NASP: variants seen among roughly 807,000 people sequenced by gnomAD.
NASP encodes the protein nuclear autoantigenic sperm protein.
Under a neutral mutation model 89.5 loss-of-function variants are expected in NASP, and 24 were observed. The observed-to-expected ratio is 0.27, with a 90% CI of 0.19 to 0.38. The LOEUF (loss-of-function observed/expected upper bound fraction) is 0.38, where lower values mean the gene tolerates loss of function less well. Among genes scored for constraint, NASP ranks in the 10% least tolerant of loss-of-function variants. The pLI, the probability that NASP is intolerant of heterozygous loss-of-function variation, is 1.00. For synonymous variants in NASP, 306 were observed against 324.7 expected (o/e 0.94, Z 0.62); for missense variants, 848 against 921.4 (o/e 0.92, Z 1.03).
chr1:45,590,866 A>G (rs148818026), intron 1 of NASP, among the ~76,000 whole-genome samples: 1,659 of 152,260 alleles, frequency 0.011, 23 homozygotes, highest in African/African-American at 0.035. Context: ...TAATAAAACT[A>G]TTCGATATAC....
intron 1 of NASP, among the ~76,000 whole-genome samples, chr1:45,587,687 T>TATATATATA: frequency 1.3e-5 from 1 of 78,198 alleles, no homozygotes; most frequent in South Asian, 5.4e-4. Context: ...TATATATATA[T>TATATATATA]AATTAATTTT....
At chr1:45,609,499 A>AAAAC (rs3841731) in intron 6 of NASP, 108,293 of 151,000 alleles carry the variant, frequency 0.72, 38,922 homozygotes, top group African/African-American at 0.75. Flanking sequence ...AATTCCTCAA[A>AAAAC]AAACAAACAA....
chr1:45,586,609 C>T (rs1007222298), intron 1 of NASP, among the ~76,000 whole-genome samples: 1 of 152,054 alleles, frequency 6.6e-6, no homozygotes, highest in African/African-American at 2.4e-5. Context: ...TTTTCATTTT[C>T]ATTCTTCGTT....
chr1:45,599,953 ATTTTTTTTTTTTT>A (rs11302173), intron 2 of NASP, among the ~76,000 whole-genome samples: 5 of 79,074 alleles, frequency 6.3e-5, no homozygotes, highest in Non-Finnish European at 1.2e-4. Context: ...TTTCCTCTGT[ATTTTTTTTTTTTT>A]TTTTTTTTTG....
At position 45,598,163 on chromosome 1, in the gene NASP, C is replaced by T. The variant is rs117548880; in HGVS notation, c.108-4092C>T. 1.2e-3 allele frequency among the ~76,000 whole-genome samples: 167 copies of T among 140,174 alleles called. 3 individuals carry two copies. In the East Asian group the frequency reaches 0.028, roughly 23 times the overall value. The allele number at this position is 140,174 out of a possible 152,430, so 92.0% of individuals were successfully genotyped here. On this transcript the variant is annotated intron_variant, in intron 2 of 14. Transcript: ENST00000350030. ...CAGTAACATTTGACCCAATCCATTA[C>T]TCCTGTTACTTTTTTTTTTTTTTTT...
At chr1:45,607,237 A>T in intron 5 of NASP, 84 bp from the exon 6 acceptor site, 1 of 1,399,096 alleles carries the variant, frequency 7.1e-7, no homozygotes, top group Admixed American at 2.1e-5. Flanking sequence ...GAGGGTTTAA[A>T]GGGAATGTAT....
chr1:45,590,540 ACT>A (rs1419469311), intron 1 of NASP, among the ~76,000 whole-genome samples: 4 of 141,296 alleles, frequency 2.8e-5, no homozygotes, highest in African/African-American at 5.3e-5. Context: ...ACAGAGCAAG[ACT>A]CTGTCTCAAA....
intron 1 of NASP, among the ~76,000 whole-genome samples, chr1:45,589,108 A>C (rs956197063): frequency 1.3e-5 from 2 of 152,180 alleles, no homozygotes; most frequent in African/African-American, 4.8e-5. Context: ...AGAATCTGTC[A>C]ATATCCTATG....
chr1:45,601,817 G>T (rs979872616), intron 2 of NASP, among the ~76,000 whole-genome samples: 1 of 133,852 alleles, frequency 7.5e-6, no homozygotes, highest in African/African-American at 2.7e-5. Flanking sequence ...GTGCAGTGGC[G>T]CATCTCAGCT....
intron 2 of NASP, among the ~76,000 whole-genome samples, chr1:45,593,029 G>A (rs1643591172): frequency 6.6e-6 from 1 of 152,120 alleles, no homozygotes; most frequent in African/African-American, 2.4e-5. Flanking sequence ...TGGATAAAAA[G>A]ACATCATTCT....
At chr1:45,612,455 G>A (rs929897741) in intron 6 of NASP, 4 of 152,160 alleles carry the variant, frequency 2.6e-5, no homozygotes, top group African/African-American at 4.8e-5. Flanking sequence ...TCACAGTAGC[G>A]CTATTGATTA....
chr1:45,592,025 T>C (rs1643562317), intron 2 of NASP, among the ~76,000 whole-genome samples: 1 of 152,248 alleles, frequency 6.6e-6, no homozygotes. Flanking sequence ...TTCACTCTTG[T>C]CGCCCAGGCT....
chr1:45,594,230 G>A (rs1643632151), intron 2 of NASP, among the ~76,000 whole-genome samples: 1 of 151,830 alleles, frequency 6.6e-6, no homozygotes, highest in Non-Finnish European at 1.5e-5. Flanking sequence ...TTGGGAGGCT[G>A]AGGCAGAAGA....
chr1:45,606,543 G>C lies in NASP; in HGVS notation c.361G>C (p.Glu121Gln). The change falls in exon 5 of 15, where the codon GAA becomes CAA. Residue 121 changes from glutamate (E) to glutamine (Q), a missense_variant. By Grantham distance (29) the Glu-to-Gln change is conservative (BLOSUM62 2). Transcript: ENST00000350030. The stretch of plus-strand genomic sequence containing the variant: ...TGTGCATGTGGAAGAGGAAGAAGGA[G>C]AAAAAACAGAAGATGAATCTCTGGT... ...EGVHVEEEEGEKTEDESLVEN... is the reference protein window; with the variant it reads ...EGVHVEEEEGQKTEDESLVEN... The C allele has an allele frequency of 6.2e-7, 1 of 1,613,530 alleles. No homozygotes were observed. The highest frequency in any genetic ancestry group is 8.5e-7 in the Non-Finnish European group (1 of 1,179,502).
chr1:45,590,562 A>AG (rs1271961249), intron 1 of NASP, among the ~76,000 whole-genome samples: 1 of 151,278 alleles, frequency 6.6e-6, no homozygotes, highest in Non-Finnish European at 1.5e-5. Flanking sequence ...AAAAAAAAAA[A>AG]AAAAAGAAAA....
rs1198112679 is a variant in NASP, at chr1:45,618,824, G to GAGAT, written c.*685_*688dup. ...TTGTTATTTTCTGTATAGAAAGGTTGAGATATATCAACACTTGGAATTGTT... is the reference window on the plus strand; with the variant it reads ...TTGTTATTTTCTGTATAGAAAGGTTGAGATAGATATATCAACACTTGGAATTGTT... On this transcript the variant is annotated 3_prime_UTR_variant, in exon 15 of 15. Transcript: ENST00000350030. 14 of 152,224 alleles carry GAGAT rather than the reference G, an allele frequency of 9.2e-5. No individual in the cohort carries two copies. Among genetic ancestry groups the GAGAT allele is most frequent in the Admixed American group, 7.9e-4 (12 of 15,280 alleles). 9.4% of individuals were successfully genotyped at this position (152,224 alleles called of 1,614,324 possible).
At chr1:45,599,788 A>G (rs891175942) in intron 2 of NASP, among the ~76,000 whole-genome samples, 4 of 152,078 alleles carry the variant, frequency 2.6e-5, no homozygotes, top group Non-Finnish European at 5.9e-5. Context: ...TAAAGTCTAT[A>G]CTAATGTGAT....
intron 3 of NASP, among the ~76,000 whole-genome samples, chr1:45,604,302 CTTCT>C (rs1643884327): frequency 1.3e-5 from 2 of 152,172 alleles, no homozygotes; most frequent in Non-Finnish European, 2.9e-5. Context: ...GTCCTTCTTC[CTTCT>C]GTCTAGATAT....
At chr1:45,594,901 C>A in intron 2 of NASP, 1 of 272,320 alleles carries the variant, frequency 3.7e-6, no homozygotes, top group South Asian at 3.3e-5. Context: ...TAACCTCTGA[C>A]CTGAAGTGGG....
Sources: gnomAD v4.1 joint callset for allele counts (sites outside exome capture counted in the v4.1 genomes callset) on GRCh38, gnomAD v4.1.1 for gene constraint, MANE v1.5 for transcripts, NCBI Gene and HGNC (gene_info 2026-07-23, HGNC 2026-07-21) for gene names.